The following ZC3H12B variants were observed in gnomAD, a reference collection of about 807,000 sequenced individuals.
ZC3H12B encodes zinc finger CCCH-type containing 12B.
A neutral mutation model predicts 43.9 loss-of-function variants in ZC3H12B; 7 were observed. The observed-to-expected ratio is 0.16, with a 90% CI of 0.09 to 0.30. The LOEUF (loss-of-function observed/expected upper bound fraction) is 0.30. Among genes scored for constraint, ZC3H12B ranks in the 10% least tolerant of loss-of-function variants. ZC3H12B has a pLI of 1.00. For missense variants in ZC3H12B, 475 were observed against 670.2 expected (o/e 0.71, Z 3.22); for synonymous variants, 222 against 241.7 (o/e 0.92, Z 0.76).
chrX:65,506,808 A>G (rs1363058270), exon 5 of ZC3H12B: 1 of 111,169 alleles, frequency 9.0e-6, no homozygotes, highest in Non-Finnish European at 1.9e-5. Context: ...ACTCAAAGGA[A>G]AAGAAGCCTT....
At chrX:65,187,131 C>A in the ZC3H12B span, 1 of 111,935 alleles carries the variant, frequency 8.9e-6, no homozygotes, top group Non-Finnish European at 1.9e-5. Flanking sequence ...TTTTAGCATC[C>A]CACCTATCTT....
At chrX:65,328,919 G>C in the ZC3H12B span, among the ~76,000 whole-genome samples, 2 of 109,988 alleles carry the variant, frequency 1.8e-5, no homozygotes, top group East Asian at 5.8e-4. Context: ...TGGTGTATAT[G>C]TGCCACATTT....
chrX:65,177,535 G>A, the ZC3H12B span, among the ~76,000 whole-genome samples: 63 of 111,940 alleles, frequency 5.6e-4, 1 homozygote, highest in African/African-American at 1.9e-3. Context: ...AAACCCCATC[G>A]TCTCAGTCCA....
intron 2 of ZC3H12B, among the ~76,000 whole-genome samples, chrX:65,391,287 A>C (rs941205531): frequency 8.9e-6 from 1 of 112,459 alleles, no homozygotes; most frequent in Admixed American, 9.5e-5. Context: ...AAAGATGGAG[A>C]CAAATATAAT....
the ZC3H12B span, among the ~76,000 whole-genome samples, chrX:65,138,835 A>G: frequency 1.8e-5 from 2 of 112,078 alleles, no homozygotes; most frequent in Non-Finnish European, 3.8e-5. Context: ...TTTCCTGACA[A>G]TTAGTGATGT....
chrX:65,430,975 G>GT (rs2067154298), intron 3 of ZC3H12B, among the ~76,000 whole-genome samples: 1 of 111,934 alleles, frequency 8.9e-6, no homozygotes, highest in East Asian at 2.8e-4. Flanking sequence ...CTCTCCATGA[G>GT]TGCCATGGAC....
intron 3 of ZC3H12B, among the ~76,000 whole-genome samples, chrX:65,402,005 G>A (rs764980381): frequency 8.9e-5 from 10 of 111,932 alleles, no homozygotes; most frequent in Non-Finnish European, 1.5e-4. Flanking sequence ...CACCAAGTGG[G>A]CACTCTTGGA....
chrX:65,336,698 G>A, the ZC3H12B span, among the ~76,000 whole-genome samples: 1 of 112,034 alleles, frequency 8.9e-6, no homozygotes, highest in Non-Finnish European at 1.9e-5. Flanking sequence ...AGTGGGAAAG[G>A]CAAGGAGCTC....
At chrX:65,288,991 A>G in the ZC3H12B span, among the ~76,000 whole-genome samples, 1 of 111,310 alleles carries the variant, frequency 9.0e-6, no homozygotes, top group African/African-American at 3.3e-5. Context: ...CCCATTTACA[A>G]TAGCTACAAA....
the ZC3H12B span, among the ~76,000 whole-genome samples, chrX:65,266,345 A>G: frequency 4.5e-5 from 5 of 111,410 alleles, no homozygotes; most frequent in African/African-American, 1.6e-4. Context: ...GTACCAAACT[A>G]TCCCTAGAAT....
the ZC3H12B span, among the ~76,000 whole-genome samples, chrX:65,157,209 G>A: frequency 1.8e-5 from 2 of 111,416 alleles, no homozygotes; most frequent in African/African-American, 3.3e-5. Context: ...TCAGACTTCT[G>A]TGCTCAAGGT....
intron 3 of ZC3H12B, among the ~76,000 whole-genome samples, chrX:65,414,541 G>A (rs1005486496): frequency 4.5e-5 from 5 of 111,315 alleles, no homozygotes; most frequent in African/African-American, 1.6e-4. Flanking sequence ...TATATTGTAA[G>A]TTATGGCACA....
intron 2 of ZC3H12B, among the ~76,000 whole-genome samples, chrX:65,388,940 T>C (rs1031894419): frequency 6.3e-5 from 7 of 111,920 alleles, no homozygotes; most frequent in African/African-American, 2.3e-4. Flanking sequence ...CAGTGGAGGC[T>C]GCAGAACAGC....
At chrX:65,124,380 A>G in the ZC3H12B span, among the ~76,000 whole-genome samples, 1 of 110,506 alleles carries the variant, frequency 9.0e-6, no homozygotes, top group Non-Finnish European at 1.9e-5. Context: ...ATGCTGTTGG[A>G]CTCAGTTTGC....
the ZC3H12B span, among the ~76,000 whole-genome samples, chrX:65,341,280 C>T: frequency 8.9e-6 from 1 of 111,975 alleles, no homozygotes; most frequent in African/African-American, 3.2e-5. Context: ...ACATGGAAAA[C>T]ATATTTCAGA....
chrX:65,183,863 A>G, the ZC3H12B span, among the ~76,000 whole-genome samples: 1 of 111,452 alleles, frequency 9.0e-6, no homozygotes, highest in Non-Finnish European at 1.9e-5. Flanking sequence ...GAAATTAGGA[A>G]ATAATTTGGG....
chrX:65,180,677 G>A, the ZC3H12B span, among the ~76,000 whole-genome samples: 5 of 110,879 alleles, frequency 4.5e-5, no homozygotes, highest in African/African-American at 1.6e-4. Context: ...GCTACAAACA[G>A]CATAAAATAC....
chrX:65,229,524 A>C, the ZC3H12B span, among the ~76,000 whole-genome samples: 1 of 111,216 alleles, frequency 9.0e-6, no homozygotes, highest in Admixed American at 9.6e-5. Context: ...AAAAGCCAAA[A>C]TTGACAAGTG....
chrX:65,121,635 G>A, the ZC3H12B span, among the ~76,000 whole-genome samples: 10 of 111,127 alleles, frequency 9.0e-5, no homozygotes, highest in African/African-American at 2.9e-4. Context: ...AAGGGTTTTT[G>A]TGTCTCTATT....
Sources: allele counts gnomAD v4.1 joint callset (sites outside exome capture counted in the v4.1 genomes callset), GRCh38; gene constraint gnomAD v4.1.1; transcripts MANE v1.5; gene names NCBI Gene and HGNC (gene_info 2026-07-23, HGNC 2026-07-21).